Variants in PTPRT observed in about 807,000 individuals in gnomAD.
PTPRT encodes protein tyrosine phosphatase receptor type T, also known as receptor-type tyrosine-protein phosphatase T.
Under a neutral mutation model 176.8 loss-of-function variants are expected in PTPRT, and 56 were observed. The ratio of observed to expected loss-of-function variants is 0.32; its 90% confidence interval spans 0.26 to 0.40. PTPRT has a LOEUF of 0.40. PTPRT is among the 10% of genes least tolerant of loss of function. The probability of loss-of-function intolerance (pLI) is 1.00; values close to 1 mark genes in which losing one functional copy is unlikely to be tolerated. For missense variants in PTPRT, 1,540 were observed against 1,908.2 expected (o/e 0.81, Z 3.60); for synonymous variants, 783 against 739.0 (o/e 1.06, Z -0.96).
chr20:42,888,779 G>A (rs2145878622), intron 1 of PTPRT, among the ~76,000 whole-genome samples: 1 of 152,206 alleles, frequency 6.6e-6, no homozygotes, highest in South Asian at 2.1e-4. Context: ...AATGGGCTCT[G>A]GACATGGCAC....
At chr20:42,449,000 T>C (rs115103396) in intron 8 of PTPRT, among the ~76,000 whole-genome samples, 190 of 152,268 alleles carry the variant, frequency 1.2e-3, no homozygotes, top group African/African-American at 4.4e-3. Context: ...GGATTTGTAT[T>C]TGAGAAATGC....
intron 13 of PTPRT, among the ~76,000 whole-genome samples, chr20:42,276,235 C>G (rs2057027494): frequency 6.6e-6 from 1 of 151,710 alleles, no homozygotes; most frequent in Admixed American, 6.6e-5. Flanking sequence ...AGGATCTCAT[C>G]TAGAGACAAC....
intron 11 of PTPRT, among the ~76,000 whole-genome samples, chr20:42,326,523 C>T (rs17173353): frequency 0.08 from 12,126 of 152,066 alleles, 642 homozygotes; most frequent in East Asian, 0.24. Context: ...ACACTGTACA[C>T]CATGGAAAAC....
At chr20:42,424,776 T>A (rs1027474131) in intron 9 of PTPRT, among the ~76,000 whole-genome samples, 7 of 149,634 alleles carry the variant, frequency 4.7e-5, no homozygotes, top group African/African-American at 1.2e-4. Context: ...TATAAAACAG[T>A]CCTTAGCAAC....
At chr20:42,204,711 T>C (rs535006627) in intron 15 of PTPRT, among the ~76,000 whole-genome samples, 5 of 152,168 alleles carry the variant, frequency 3.3e-5, no homozygotes, top group Non-Finnish European at 7.3e-5. Context: ...GGGCCCAGGA[T>C]GGACCATGAG....
At chr20:42,357,330 GAA>G (rs1490750940) in intron 9 of PTPRT, among the ~76,000 whole-genome samples, 2 of 152,158 alleles carry the variant, frequency 1.3e-5, no homozygotes, top group Non-Finnish European at 2.9e-5. Flanking sequence ...GCCTTTCATA[GAA>G]AAAGTTTGCA....
At chr20:43,049,516 C>A (rs1986969155) in intron 1 of PTPRT, among the ~76,000 whole-genome samples, 1 of 152,176 alleles carries the variant, frequency 6.6e-6, no homozygotes, top group East Asian at 1.9e-4. Flanking sequence ...TGATTATCAT[C>A]TTCAATCCAA....
intron 2 of PTPRT, among the ~76,000 whole-genome samples, chr20:42,853,814 C>T (rs1265733036): frequency 6.6e-6 from 1 of 152,230 alleles, no homozygotes; most frequent in Non-Finnish European, 1.5e-5. Context: ...CTCAGAATGA[C>T]TGCATGCCAG....
At chr20:42,134,908 T>A (rs531336777) in intron 18 of PTPRT, among the ~76,000 whole-genome samples, 14 of 152,342 alleles carry the variant, frequency 9.2e-5, no homozygotes, top group Admixed American at 7.8e-4. Flanking sequence ...CTTCACATAC[T>A]GCTCTGATAA....
intron 16 of PTPRT, among the ~76,000 whole-genome samples, chr20:42,187,014 C>T (rs1398082409): frequency 6.6e-6 from 1 of 151,968 alleles, no homozygotes; most frequent in Non-Finnish European, 1.5e-5. Flanking sequence ...CATTTTCAGC[C>T]CCATATAATT....
intron 27 of PTPRT, among the ~76,000 whole-genome samples, chr20:42,096,800 G>T (rs1029889440): frequency 7.1e-6 from 1 of 141,126 alleles, no homozygotes; most frequent in Non-Finnish European, 1.5e-5. Context: ...GGGTCTCATG[G>T]TGTTGCCCAG....
At chr20:42,679,216 T>C (rs2075560226) in intron 6 of PTPRT, among the ~76,000 whole-genome samples, 1 of 152,156 alleles carries the variant, frequency 6.6e-6, no homozygotes, top group Admixed American at 6.5e-5. Flanking sequence ...ACACTTACCT[T>C]GTACTTCTTA....
Position 42,619,895 on chromosome 20 carries a change from C to T in PTPRT, c.1153+57971G>A, listed in dbSNP as rs867470002. Among the ~76,000 whole-genome samples, 815 of 140,964 alleles carry T rather than the reference C, an allele frequency of 5.8e-3. 13 individuals carry two copies. The highest frequency in any genetic ancestry group is 0.021 in the African/African-American group (719 of 34,998). 92.5% of individuals were successfully genotyped at this position (140,964 alleles called of 152,430 possible). A position where few individuals can be genotyped will look rare whatever the true frequency, so the allele number is the denominator to read the frequency against. ...TTTGCCTTTGGTTTGAATGTCCTCC[C>T]GTAGCTCAGAGTAATTTGATCATCT... On this transcript the variant is annotated intron_variant, in intron 7 of 30. Transcript: ENST00000373187.
intron 2 of PTPRT, among the ~76,000 whole-genome samples, chr20:42,842,219 G>C (rs775095256): frequency 2.0e-5 from 3 of 152,150 alleles, no homozygotes; most frequent in Non-Finnish European, 2.9e-5. Flanking sequence ...GTTGGAAGTG[G>C]TTTTTATGGT....
intron 7 of PTPRT, among the ~76,000 whole-genome samples, chr20:42,574,115 G>T (rs925884407): frequency 6.6e-6 from 1 of 152,176 alleles, no homozygotes; most frequent in Non-Finnish European, 1.5e-5. Context: ...CATTGAGCCT[G>T]CCTATGTGGG....
chr20:42,404,465 T>G lies in PTPRT; in HGVS notation c.1560+43755A>C, dbSNP rs111944383. Among the ~76,000 whole-genome samples the G allele has an allele frequency of 8.9e-3, 1,356 of 152,284 alleles. 20 individuals carry two copies. Among genetic ancestry groups the G allele is most frequent in the African/African-American group, 0.031 (1,299 of 41,560 alleles). ...GGTCATTATTTCCATTTTTTGCCTG[T>G]GCCAGATCATCTATTCTTACAGCAT... On this transcript the variant is annotated intron_variant, in intron 9 of 30. Coordinates refer to ENST00000373187, the MANE Select transcript of PTPRT (RefSeq NM_007050.6).
At chr20:42,674,256 A>G (rs915364772) in intron 7 of PTPRT, among the ~76,000 whole-genome samples, 2 of 152,220 alleles carry the variant, frequency 1.3e-5, no homozygotes, top group African/African-American at 4.8e-5. Flanking sequence ...GAATTATTCA[A>G]GATTTTAGCT....
intron 7 of PTPRT, among the ~76,000 whole-genome samples, chr20:42,547,716 T>A (rs1472222665): frequency 6.6e-6 from 1 of 151,962 alleles, no homozygotes; most frequent in Non-Finnish European, 1.5e-5. Flanking sequence ...GGTCCCTATA[T>A]CCCAGGTTCT....
intron 12 of PTPRT, among the ~76,000 whole-genome samples, chr20:42,286,328 T>C (rs1039679763): frequency 3.3e-5 from 5 of 151,980 alleles, no homozygotes; most frequent in African/African-American, 1.2e-4. Context: ...GACTTTAAAA[T>C]ATACTACAAA....
Sources: allele counts gnomAD v4.1 joint callset (sites outside exome capture counted in the v4.1 genomes callset), GRCh38; gene constraint gnomAD v4.1.1; transcripts MANE v1.5; gene names NCBI Gene and HGNC (gene_info 2026-07-23, HGNC 2026-07-21).